ZBTB20: variants seen among roughly 807,000 people sequenced by gnomAD.
ZBTB20 encodes the protein zinc finger and BTB domain containing 20.
Under a neutral mutation model 56.9 loss-of-function variants are expected in ZBTB20, and 9 were observed. The ratio of observed to expected loss-of-function variants is 0.16; its 90% CI spans 0.10 to 0.28. The LOEUF is 0.28. Ranked by LOEUF, ZBTB20 falls within the 10% of genes least tolerant of loss-of-function variation. ZBTB20 has a pLI of 1.00. For synonymous variants in ZBTB20, 417 were observed against 420.7 expected (o/e 0.99, Z 0.11); for missense variants, 655 against 1,003.0 (o/e 0.65, Z 4.69).
intron 2 of ZBTB20, among the ~76,000 whole-genome samples, chr3:114,990,443 G>A (rs1178842098): frequency 1.3e-5 from 2 of 152,150 alleles, no homozygotes; most frequent in Admixed American, 1.3e-4. Context: ...TTGCATCTCA[G>A]GGATGAAGCC....
intron 7 of ZBTB20, among the ~76,000 whole-genome samples, chr3:114,394,843 A>C (rs2086197770): frequency 6.6e-6 from 1 of 152,180 alleles, no homozygotes; most frequent in South Asian, 2.1e-4. Flanking sequence ...CACAGAATTC[A>C]AGGAGTTCTT....
intron 4 of ZBTB20, among the ~76,000 whole-genome samples, chr3:114,898,652 T>A (rs1357311262): frequency 6.6e-6 from 1 of 152,170 alleles, no homozygotes; most frequent in Non-Finnish European, 1.5e-5. Context: ...AGGCATTGTA[T>A]AAGAGGCTGT....
At chr3:115,072,133 G>A (rs919687609) in intron 1 of ZBTB20, among the ~76,000 whole-genome samples, 1 of 152,070 alleles carries the variant, frequency 6.6e-6, no homozygotes, top group Non-Finnish European at 1.5e-5. Context: ...ACATTCTTGC[G>A]AGTAAAAGAA....
At chr3:114,505,668 A>G (rs1158378765) in intron 6 of ZBTB20, among the ~76,000 whole-genome samples, 2 of 152,114 alleles carry the variant, frequency 1.3e-5, no homozygotes, top group African/African-American at 4.8e-5. Context: ...TTCTAGAAGT[A>G]TTGCGTTAAT....
At chr3:115,004,593 A>G (rs1424744997) in intron 2 of ZBTB20, among the ~76,000 whole-genome samples, 1 of 151,710 alleles carries the variant, frequency 6.6e-6, no homozygotes, top group Non-Finnish European at 1.5e-5. Flanking sequence ...ATTTTTCCAC[A>G]GTTCCCTTTC....
At chr3:114,801,913 C>A (rs2071749372) in intron 4 of ZBTB20, among the ~76,000 whole-genome samples, 1 of 151,598 alleles carries the variant, frequency 6.6e-6, no homozygotes. Context: ...CTTATAATTC[C>A]AAATTAAGTA....
Position 114,314,796 on chromosome 3 carries a change from ATAT to A in ZBTB20, c.*24206_*24208del, listed in dbSNP as rs1161110025. On this transcript the variant is annotated 3_prime_UTR_variant, in exon 12 of 12. Coordinates refer to ENST00000675478, the MANE Select transcript of ZBTB20 (RefSeq NM_001348800.3). Reference sequence around the variant, plus strand: ...CCAAAATGTCACAATAATAATAATAATATAATAGTATAATGAAGCGCTACAGTT... The same window carrying A: ...CCAAAATGTCACAATAATAATAATAAAATAGTATAATGAAGCGCTACAGTT... The A allele has an allele frequency of 3.9e-5, 6 of 152,114 alleles. No homozygotes were observed. In the Middle Eastern group the frequency reaches 0.01, roughly 259 times the overall value. 9.4% of individuals were successfully genotyped at this position (152,114 alleles called of 1,614,324 possible). A position where few individuals can be genotyped will look rare whatever the true frequency, so the allele number is the denominator to read the frequency against.
chr3:114,722,850 T>G (rs2065010728), intron 5 of ZBTB20, among the ~76,000 whole-genome samples: 2 of 152,354 alleles, frequency 1.3e-5, no homozygotes, highest in East Asian at 1.9e-4. Context: ...GTCCTTGGAC[T>G]TCACAGCTCT....
At chr3:115,038,687 T>C (rs527776129) in intron 2 of ZBTB20, among the ~76,000 whole-genome samples, 3 of 152,202 alleles carry the variant, frequency 2.0e-5, no homozygotes, top group East Asian at 3.9e-4. Context: ...ATAGAAATCA[T>C]CAATTTTTAA....
rs1017457423 is a variant in ZBTB20 at position 114,317,708 on chromosome 3, G to A, written c.*21297C>T. ...CACTTTTTAAAAAAATTGTAAAGAG[G>A]AAGAGGTTCATCTAACTATAAAAGG... On this transcript the variant is annotated 3_prime_UTR_variant, in exon 12 of 12. Transcript: ENST00000675478. 2.0e-5 allele frequency: 3 copies of A among 152,122 alleles called. No homozygotes were observed. In the South Asian group the frequency reaches 6.2e-4, roughly 31 times the overall value. The allele number at this position is 152,122 out of a possible 1,614,324, so 9.4% of individuals were successfully genotyped here. A position where few individuals can be genotyped will look rare whatever the true frequency, so the allele number is the denominator to read the frequency against.
At chr3:114,733,620 C>G (rs1578593487) in intron 5 of ZBTB20, among the ~76,000 whole-genome samples, 1 of 152,310 alleles carries the variant, frequency 6.6e-6, no homozygotes, top group Non-Finnish European at 1.5e-5. Context: ...TATGCCCTCT[C>G]ACCCTCCTTC....
intron 4 of ZBTB20, among the ~76,000 whole-genome samples, chr3:114,802,853 G>C (rs2071819564): frequency 6.6e-6 from 1 of 151,846 alleles, no homozygotes; most frequent in Admixed American, 6.6e-5. Flanking sequence ...GTTTAGACGT[G>C]AAAAGGTGAT....
intron 7 of ZBTB20, among the ~76,000 whole-genome samples, chr3:114,451,984 A>G (rs925130905): frequency 6.6e-6 from 1 of 152,046 alleles, no homozygotes; most frequent in African/African-American, 2.4e-5. Context: ...GAGCTAGTGC[A>G]GCTTTCAGTA....
At chr3:114,982,690 G>A (rs913000333) in intron 2 of ZBTB20, among the ~76,000 whole-genome samples, 8 of 151,998 alleles carry the variant, frequency 5.3e-5, no homozygotes, top group African/African-American at 1.7e-4. Flanking sequence ...TCAAAGTCCT[G>A]TGGGTACATG....
At chr3:114,634,937 A>T (rs1369833695) in intron 6 of ZBTB20, among the ~76,000 whole-genome samples, 1 of 152,202 alleles carries the variant, frequency 6.6e-6, no homozygotes, top group Non-Finnish European at 1.5e-5. Flanking sequence ...AGAAATGAGG[A>T]GGGCAACTCC....
rs1336136159 is a variant in ZBTB20 at position 114,382,404 on chromosome 3, A to G, written c.-153-1464T>C. ...CTAACTTTTCTCATGTGTCCTGTAT[A>G]TTGGCCATACTGTACCCTCAGATTT... On this transcript the variant is annotated intron_variant, in intron 8 of 11. Coordinates refer to ENST00000675478, the MANE Select transcript of ZBTB20 (RefSeq NM_001348800.3). Among the ~76,000 whole-genome samples, 54 of 152,164 alleles carry G rather than the reference A, an allele frequency of 3.5e-4. 1 individual carries two copies.
At chr3:114,882,491 TA>T (rs1005571366) in intron 4 of ZBTB20, among the ~76,000 whole-genome samples, 3 of 152,086 alleles carry the variant, frequency 2.0e-5, no homozygotes, top group South Asian at 2.1e-4. Flanking sequence ...TGTTTTGTAA[TA>T]TTTTTAAACA....
At chr3:114,401,064 G>A in intron 7 of ZBTB20, among the ~76,000 whole-genome samples, 1 of 103,026 alleles carries the variant, frequency 9.7e-6, no homozygotes, top group East Asian at 3.0e-4. Context: ...TTCCAGGTAG[G>A]GAATCTGTCT....
intron 5 of ZBTB20, among the ~76,000 whole-genome samples, chr3:114,784,668 T>C (rs956888164): frequency 5.9e-5 from 9 of 152,220 alleles, no homozygotes; most frequent in African/African-American, 1.7e-4. Flanking sequence ...TCATAATTTC[T>C]ATTAACTTGT....
Sources: allele counts gnomAD v4.1 joint callset (sites outside exome capture counted in the v4.1 genomes callset), GRCh38; gene constraint gnomAD v4.1.1; transcripts MANE v1.5; gene names NCBI Gene and HGNC (gene_info 2026-07-23, HGNC 2026-07-21).